Variants in KCND2 observed in about 807,000 individuals in gnomAD.
KCND2 encodes the protein A-type voltage-gated potassium channel KCND2.
KCND2 carries 16 observed loss-of-function variants against 54.4 expected under a neutral mutation model. That is an observed-to-expected ratio of 0.29 (90% CI 0.20 to 0.45). KCND2 has a LOEUF of 0.45. Among genes scored for constraint, KCND2 ranks in the 20% least tolerant of loss-of-function variants. The pLI, the probability that KCND2 is intolerant of heterozygous loss-of-function variation, is 1.00. For missense variants in KCND2, 486 were observed against 824.2 expected, an observed-to-expected ratio of 0.59 and a Z score of 5.02; for synonymous variants, 317 against 310.7, an observed-to-expected ratio of 1.02 and a Z score of -0.21.
At chr7:120,357,744 G>C (rs1470888725) in intron 1 of KCND2, among the ~76,000 whole-genome samples, 2 of 152,190 alleles carry the variant, frequency 1.3e-5, no homozygotes, top group African/African-American at 2.4e-5. Flanking sequence ...CAAAGCACCA[G>C]CTGGTTTGGT....
chr7:120,545,860 T>A (rs1214860587), intron 1 of KCND2, among the ~76,000 whole-genome samples: 3 of 151,530 alleles, frequency 2.0e-5, no homozygotes, highest in African/African-American at 7.3e-5. Context: ...ATTCAGTGAC[T>A]GTTGTTCAAA....
intron 4 of KCND2, 143 bp from the exon 5 acceptor site, chr7:120,745,637 A>G: frequency 2.4e-6 from 2 of 844,830 alleles, no homozygotes; most frequent in Non-Finnish European, 3.8e-6. Context: ...TTTGATGTCA[A>G]TCTTTATGAA....
intron 1 of KCND2, among the ~76,000 whole-genome samples, chr7:120,387,977 A>G (rs1189112205): frequency 6.6e-6 from 1 of 152,074 alleles, no homozygotes; most frequent in East Asian, 1.9e-4. Flanking sequence ...AATTTTGTAA[A>G]TGGCTGTTGT....
rs199550192 is a variant in KCND2 at position 120,642,569 on chromosome 7, T to TA, written c.1116-90325dup. The stretch of plus-strand genomic sequence containing the variant: ...AATTCGTCTCAATAAAAATAAAAAA[T>TA]AAAAAAAAATATATATATATATGTA... On this transcript the variant is annotated intron_variant, in intron 1 of 5. Coordinates refer to ENST00000331113, the MANE Select transcript of KCND2 (RefSeq NM_012281.3). Among the ~76,000 whole-genome samples the TA allele has an allele frequency of 2.0e-4, 13 of 65,374 alleles. No homozygotes were observed. In the South Asian group the frequency reaches 2.9e-3, roughly 14 times the overall value. The allele number at this position is 65,374 out of a possible 152,430, so 42.9% of individuals were successfully genotyped here.
chr7:120,476,122 G>GA (rs1802530529), intron 1 of KCND2, among the ~76,000 whole-genome samples: 1 of 152,178 alleles, frequency 6.6e-6, no homozygotes, highest in South Asian at 2.1e-4. Flanking sequence ...TGCACAGAGG[G>GA]AAAAATGAAC....
intron 1 of KCND2, among the ~76,000 whole-genome samples, chr7:120,347,600 A>G (rs543711965): frequency 2.6e-5 from 4 of 152,046 alleles, no homozygotes; most frequent in Admixed American, 2.6e-4. Context: ...TCTACTAAAA[A>G]CACAAAATTA....
chr7:120,273,319 C>T lies in KCND2; in HGVS notation c.-1314C>T, dbSNP rs964667598. Among the ~76,000 whole-genome samples, 1 of 150,624 alleles carries T rather than the reference C, an allele frequency of 6.6e-6. No individual in the cohort carries two copies. Among genetic ancestry groups the T allele is most frequent in the African/African-American group, 2.4e-5 (1 of 41,282 alleles). Reference sequence around the variant, plus strand: ...AGCAGCTAGCAGCCCTCCCGCGCCCCCGCGCTGCCGAGCGCCTTCTGCCTC... The same window carrying T: ...AGCAGCTAGCAGCCCTCCCGCGCCCTCGCGCTGCCGAGCGCCTTCTGCCTC... On this transcript the variant is annotated 5_prime_UTR_variant, in exon 1 of 6. Coordinates refer to ENST00000331113, the MANE Select transcript of KCND2 (RefSeq NM_012281.3).
intron 1 of KCND2, among the ~76,000 whole-genome samples, chr7:120,377,536 T>C (rs191302917): frequency 7.0e-6 from 1 of 143,396 alleles, no homozygotes; most frequent in Non-Finnish European, 1.5e-5. Flanking sequence ...TGTAAATAAT[T>C]GTCATTTCTC....
At chr7:120,419,716 G>T (rs979742788) in intron 1 of KCND2, among the ~76,000 whole-genome samples, 1 of 152,038 alleles carries the variant, frequency 6.6e-6, no homozygotes, top group South Asian at 2.1e-4. Context: ...AATCTGGCAG[G>T]CTAGTAACCC....
At chr7:120,566,031 G>T in intron 1 of KCND2, among the ~76,000 whole-genome samples, 1 of 151,242 alleles carries the variant, frequency 6.6e-6, no homozygotes, top group East Asian at 2.0e-4. Flanking sequence ...ATAGCTGATG[G>T]TTATCATAAA....
chr7:120,514,813 A>G (rs1803172403), intron 1 of KCND2, among the ~76,000 whole-genome samples: 2 of 151,900 alleles, frequency 1.3e-5, no homozygotes, highest in South Asian at 4.1e-4. Context: ...CCTGTAGTTC[A>G]CTATAGGGTT....
At chr7:120,514,625 G>A (rs1803169875) in intron 1 of KCND2, among the ~76,000 whole-genome samples, 1 of 151,988 alleles carries the variant, frequency 6.6e-6, no homozygotes, top group South Asian at 2.1e-4. Flanking sequence ...TTTTAAAGTA[G>A]TATACTTTTA....
intron 1 of KCND2, among the ~76,000 whole-genome samples, chr7:120,641,044 G>A (rs1392736606): frequency 6.6e-6 from 1 of 152,182 alleles, no homozygotes; most frequent in Non-Finnish European, 1.5e-5. Flanking sequence ...CTCTCAGGAG[G>A]ACTATAGAAT....
At chr7:120,670,294 C>T (rs1791976086) in intron 1 of KCND2, among the ~76,000 whole-genome samples, 1 of 152,086 alleles carries the variant, frequency 6.6e-6, no homozygotes, top group Non-Finnish European at 1.5e-5. Flanking sequence ...ATAGGTCAAT[C>T]TGAGAGCCAA....
intron 1 of KCND2, among the ~76,000 whole-genome samples, chr7:120,449,975 C>T (rs1196428042): frequency 6.6e-6 from 1 of 152,204 alleles, no homozygotes; most frequent in Non-Finnish European, 1.5e-5. Flanking sequence ...CATATGGTGT[C>T]TTCTGAAGAT....
chr7:120,337,120 G>T (rs1800162652), intron 1 of KCND2, among the ~76,000 whole-genome samples: 1 of 151,902 alleles, frequency 6.6e-6, no homozygotes, highest in African/African-American at 2.4e-5. Context: ...AGCTTGTCAT[G>T]CTACAAGGTG....
intron 1 of KCND2, among the ~76,000 whole-genome samples, chr7:120,412,866 A>G (rs1489303507): frequency 3.9e-5 from 6 of 152,072 alleles, no homozygotes; most frequent in Non-Finnish European, 8.8e-5. Context: ...GCCACGCTAA[A>G]GCAGCAGCCC....
chr7:120,677,230 CA>C (rs140384210), intron 1 of KCND2, among the ~76,000 whole-genome samples: 1 of 151,730 alleles, frequency 6.6e-6, no homozygotes, highest in East Asian at 1.9e-4. Flanking sequence ...ACAGTGCTAC[CA>C]AAAAAAATCT....
chr7:120,455,528 C>T (rs534719069), intron 1 of KCND2, among the ~76,000 whole-genome samples: 63 of 152,252 alleles, frequency 4.1e-4, no homozygotes, highest in Non-Finnish European at 8.2e-4. Flanking sequence ...AAGACACCTG[C>T]ACACATATCT....
Sources: gnomAD v4.1 joint callset for allele counts (sites outside exome capture counted in the v4.1 genomes callset) on GRCh38, gnomAD v4.1.1 for gene constraint, MANE v1.5 for transcripts, NCBI Gene and HGNC (gene_info 2026-07-23, HGNC 2026-07-21) for gene names.